Variants in GIPC1 observed in about 807,000 individuals in gnomAD.
The protein encoded by GIPC1 is PDZ domain-containing protein GIPC1.
A neutral mutation model predicts 28.5 loss-of-function variants in GIPC1; 15 were observed. That is an observed-to-expected ratio of 0.53 (90% CI 0.35 to 0.81). The LOEUF is 0.81. Among genes scored for constraint, GIPC1 ranks in the 30% least tolerant of loss-of-function variants. GIPC1 has a pLI of 0.01. For missense variants in GIPC1, 439 were observed against 481.9 expected (o/e 0.91, Z 0.83); for synonymous variants, 224 against 206.1 (o/e 1.09, Z -0.74).
chr19:14,484,270 G>A (rs2146472717), intron 3 of GIPC1, among the ~76,000 whole-genome samples: 2 of 151,758 alleles, frequency 1.3e-5, no homozygotes, highest in East Asian at 3.9e-4. Flanking sequence ...CAAGAAGCTG[G>A]GATTACATGT....
At chr19:14,488,580 C>T (rs1201166198) in intron 3 of GIPC1, among the ~76,000 whole-genome samples, 1 of 151,966 alleles carries the variant, frequency 6.6e-6, no homozygotes, top group African/African-American at 2.4e-5. Context: ...GGTGAAACCC[C>T]GTCTCTACTA....
chr19:14,488,581 G>A (rs1231666775), intron 3 of GIPC1, among the ~76,000 whole-genome samples: 7 of 151,970 alleles, frequency 4.6e-5, no homozygotes, highest in African/African-American at 9.7e-5. Flanking sequence ...GTGAAACCCC[G>A]TCTCTACTAA....
intron 3 of GIPC1, among the ~76,000 whole-genome samples, chr19:14,483,893 G>C (rs1409369200): frequency 6.6e-6 from 1 of 151,930 alleles, no homozygotes; most frequent in Non-Finnish European, 1.5e-5. Context: ...GAGTGCAGTG[G>C]TATAATTAAA....
At chr19:14,487,893 C>T (rs948120143) in intron 3 of GIPC1, among the ~76,000 whole-genome samples, 4 of 151,738 alleles carry the variant, frequency 2.6e-5, no homozygotes, top group African/African-American at 9.7e-5. Flanking sequence ...GTTGTCCCGG[C>T]TGGTCTCAAA....
intron 3 of GIPC1, chr19:14,489,425 C>T (rs751201450): frequency 3.8e-5 from 32 of 834,500 alleles, no homozygotes; most frequent in Non-Finnish European, 4.9e-5. Context: ...AAAAAATTTA[C>T]GGACAAGAAG....
intron 3 of GIPC1, among the ~76,000 whole-genome samples, chr19:14,483,748 CAAT>C (rs151161206): frequency 0.094 from 13,234 of 141,164 alleles, 645 homozygotes; most frequent in African/African-American, 0.11. Context: ...GACTCTGTCT[CAAT>C]AATAATAATA....
rs1467538695 is a variant in GIPC1 at position 14,480,791 on chromosome 19, G to C, written c.289-13C>G. On this transcript the variant is annotated splice_polypyrimidine_tract_variant and intron_variant, in intron 4 of 8. Coordinates refer to ENST00000393033, the MANE Select transcript of GIPC1 (RefSeq NM_005716.4). ...TGCAGAACATCACCTGCAGGGGTGG[G>C]AGACGCTGAAACCTCTTCCCCCTCC... is the stretch of plus-strand genomic sequence containing the variant. 14 of 1,596,158 alleles carry C rather than the reference G, an allele frequency of 8.8e-6. No homozygotes were observed. The highest frequency in any genetic ancestry group is 1.1e-5 in the Non-Finnish European group (13 of 1,166,534).
rs769651810 is a variant in GIPC1, at chr19:14,478,486, A to C, written c.932T>G (p.Phe311Cys). The C allele has an allele frequency of 1.9e-6, 3 of 1,613,762 alleles. No homozygotes were observed. In the South Asian group the frequency reaches 3.3e-5, roughly 18 times the overall value. The change falls in exon 9 of 9, where the codon TTT becomes TGT. Residue 311 changes from phenylalanine to cysteine, a missense_variant. Phe to Cys is a radical substitution (Grantham distance 205, BLOSUM62 -2). Coordinates refer to ENST00000393033, the MANE Select transcript of GIPC1 (RefSeq NM_005716.4). This position sits in a 1 kb window ranked among gnomAD's most constrained non-coding sequence, Gnocchi z 5.2. ...AAAGACGAACTCGTCAGGGAAGGCAAAGTCACCCAGCCGTTCGTCCAGGGC... is the reference window on the plus strand; with the variant it reads ...AAAGACGAACTCGTCAGGGAAGGCACAGTCACCCAGCCGTTCGTCCAGGGC... ...AEALDERLGD[F>C]AFPDEFVFDV... is the part of the protein sequence containing the mutation.
chr19:14,480,520 C>T (rs769835536), intron 5 of GIPC1, 35 bp from the exon 6 acceptor site: 13 of 1,605,162 alleles, frequency 8.1e-6, no homozygotes, highest in Non-Finnish European at 1.1e-5. Context: ...CCTTGGGGCT[C>T]TGCCCTGGTT....
chr19:14,479,519 T>TGG lies in GIPC1; in HGVS notation c.660_661insCC (p.Ile221ProfsTer146). 1 of 1,436,216 alleles carries TGG rather than the reference T, an allele frequency of 7.0e-7. No homozygotes were observed. The highest frequency in any genetic ancestry group is 9.1e-7 in the Non-Finnish European group (1 of 1,095,300). 89.0% of individuals were successfully genotyped at this position (1,436,216 alleles called of 1,614,324 possible). On this transcript the variant is annotated frameshift_variant, in exon 7 of 9. Coordinates refer to ENST00000393033, the MANE Select transcript of GIPC1 (RefSeq NM_005716.4). LOFTEE classifies it high-confidence loss of function. ...CGGCCACCCGCTGAACGCTGGCTGA[T>TGG]CATGTCTGTGGGAGGCAGGAGAGGA...
At chr19:14,480,246 C>G in intron 6 of GIPC1, 59 bp downstream of exon 6, 1 of 1,478,636 alleles carries the variant, frequency 6.8e-7, no homozygotes, top group Non-Finnish European at 9.4e-7. Context: ...GCTCCCGGCA[C>G]CACCGCCTGC....
At chr19:14,490,042 C>T (rs1426753936) in intron 3 of GIPC1, among the ~76,000 whole-genome samples, 1 of 152,150 alleles carries the variant, frequency 6.6e-6, no homozygotes, top group Non-Finnish European at 1.5e-5. Context: ...TGAGTGCTTG[C>T]TCTCAAGAGC....
chr19:14,483,066 C>T (rs2071767453), intron 3 of GIPC1, 60 bp from the exon 4 acceptor site: 3 of 1,159,716 alleles, frequency 2.6e-6, no homozygotes, highest in Admixed American at 4.6e-5. Context: ...CCCTCCCACA[C>T]TACTCGAACC....
chr19:14,487,507 T>C (rs2071874371), intron 3 of GIPC1, among the ~76,000 whole-genome samples: 2 of 151,866 alleles, frequency 1.3e-5, no homozygotes, highest in Non-Finnish European at 2.9e-5. Context: ...GTGCTGGGAT[T>C]ACAGGCATGA....
intron 6 of GIPC1, 90 bp from the exon 7 acceptor site, chr19:14,479,614 A>C: frequency 1.6e-6 from 1 of 613,264 alleles, no homozygotes; most frequent in Non-Finnish European, 2.6e-6. Context: ...TTTCACCACC[A>C]CCCCAAACTT....
chr19:14,480,555 A>G (rs2146462205), intron 5 of GIPC1, 38 bp downstream of exon 5: 1 of 1,606,952 alleles, frequency 6.2e-7, no homozygotes, highest in Non-Finnish European at 8.5e-7. Flanking sequence ...GCCCACCCTC[A>G]CTCCCAGGCC....
At chr19:14,487,792 C>T (rs535452207) in intron 3 of GIPC1, among the ~76,000 whole-genome samples, 1 of 146,774 alleles carries the variant, frequency 6.8e-6, no homozygotes, top group East Asian at 2.0e-4. Context: ...TCCTCCCGCC[C>T]CAGCCTCTTG....
chr19:14,484,799 A>G (rs2071800908), intron 3 of GIPC1, among the ~76,000 whole-genome samples: 1 of 152,026 alleles, frequency 6.6e-6, no homozygotes, highest in Non-Finnish European at 1.5e-5. Context: ...AGGGGTCTCA[A>G]TATGTTGCCC....
At chr19:14,491,294 TG>T (rs2071968703) in intron 3 of GIPC1, among the ~76,000 whole-genome samples, 1 of 151,894 alleles carries the variant, frequency 6.6e-6, no homozygotes, top group African/African-American at 2.4e-5. Context: ...ACTCTCACTC[TG>T]TCACCCAGGC....
Sources: gnomAD v4.1 joint callset for allele counts (sites outside exome capture counted in the v4.1 genomes callset) on GRCh38, gnomAD v4.1.1 for gene constraint, Gnocchi (gnomAD v3.1) non-coding constraint, MANE v1.5 for transcripts, NCBI Gene and HGNC (gene_info 2026-07-23, HGNC 2026-07-21) for gene names.